Variants in PSME4 observed in about 807,000 individuals in gnomAD.
PSME4 encodes proteasome activator subunit 4.
In PSME4, 89 loss-of-function variants were observed where a neutral mutation model predicts 253.9. The observed-to-expected ratio is 0.35, with a 90% confidence interval of 0.30 to 0.42. PSME4 has a LOEUF of 0.42. Among genes scored for constraint, PSME4 ranks in the 10% least tolerant of loss-of-function variants. The pLI is 1.00. For synonymous variants in PSME4, 851 were observed against 759.2 expected, an observed-to-expected ratio of 1.12 and a Z score of -1.99; for missense variants, 2,014 against 2,195.2, an observed-to-expected ratio of 0.92 and a Z score of 1.65.
intron 3 of PSME4, 117 bp downstream of exon 3, chr2:53,948,304 A>C: frequency 1.4e-6 from 1 of 709,722 alleles, no homozygotes; most frequent in South Asian, 1.7e-5. Flanking sequence ...ACACAGAAAT[A>C]GGCACATTAA....
rs952457926 is a variant in PSME4 at position 53,970,679 on chromosome 2, T to C, written c.106A>G (p.Lys36Glu). ...FVPQKEIVYN[K>E]LLPYAERLDA... ...AGCCGCTCCGCGTAGGGCAGCAGCT[T>C]GTTGTAGACGATCTCCTTCTGCGGG... The change falls in exon 1 of 47, where the codon AAG becomes GAG. Residue 36 changes from lysine to glutamate, a missense_variant. Lys to Glu is a moderately conservative substitution (Grantham distance 56, BLOSUM62 1). Coordinates refer to ENST00000404125, the MANE Select transcript of PSME4 (RefSeq NM_014614.3). 5.2e-6 allele frequency: 8 copies of C among 1,549,978 alleles called. No homozygotes were observed. Among genetic ancestry groups the C allele is most frequent in the Middle Eastern group, 1.7e-4 (1 of 5,810 alleles).
At position 53,919,151 on chromosome 2, in the gene PSME4, A is replaced by G. The variant is rs766562574; in HGVS notation, c.2516T>C (p.Leu839Ser). The change falls in exon 20 of 47, where the codon TTA (leucine) becomes TCA (serine). Residue 839 changes from leucine (L) to serine (S), a missense_variant and splice_region_variant. By Grantham distance (145) the Leu-to-Ser change is moderately radical. Transcript: ENST00000404125. ...GTGGAAAACAGTTATTTTTACTTACAAGTTAGTAACTGGCTCTCCTTTCAA... is the reference window on the plus strand; with the variant it reads ...GTGGAAAACAGTTATTTTTACTTACGAGTTAGTAACTGGCTCTCCTTTCAA... ...PPLKGEPVTN[L>S]VPSMVSLEET... The G allele has an allele frequency of 1.2e-6, 2 of 1,609,974 alleles. No homozygotes were observed. Among genetic ancestry groups the G allele is most frequent in the African/African-American group, 2.7e-5 (2 of 74,698 alleles).
chr2:53,885,468 A>T (rs1382043984), intron 41 of PSME4, among the ~76,000 whole-genome samples: 1 of 152,196 alleles, frequency 6.6e-6, no homozygotes, highest in Non-Finnish European at 1.5e-5. Flanking sequence ...ATTCCGTTAA[A>T]TTTTCATGTA....
chr2:53,888,906 G>A, intron 37 of PSME4, 94 bp from the exon 38 acceptor site: 1 of 1,056,412 alleles, frequency 9.5e-7, no homozygotes, highest in Non-Finnish European at 1.4e-6. Flanking sequence ...TATTTTTGAG[G>A]CTAGGTCTAA....
At chr2:53,906,110 C>A (rs1417559785) in intron 26 of PSME4, among the ~76,000 whole-genome samples, 3 of 152,280 alleles carry the variant, frequency 2.0e-5, no homozygotes, top group African/African-American at 7.2e-5. Flanking sequence ...TTCCACTTTT[C>A]TGTGCTTGCA....
In PSME4 at chr2:53,927,472, C is replaced by A; in HGVS notation, c.1515G>T (p.Gln505His). ...CCAGAGTAGAAAATGTTGCTATGAA[C>A]TGGAATGTGATCTGTGGAAACATAC... The part of the protein sequence containing the change: ...NDFSKCMITF[Q>H]FIATFSTLVP... Residue 505 changes from glutamine to histidine, a missense_variant, in exon 12 of 47, where the codon CAG (glutamine) becomes CAT (histidine). Physicochemically the swap from Gln to His is conservative, Grantham distance 24 (BLOSUM62 0). This residue lies in a region of PSME4 where 989 missense variants were observed against 1,021.1 expected (regional missense o/e 0.97). Transcript: ENST00000404125. 1.3e-6 allele frequency: 2 copies of A among 1,584,682 alleles called. No homozygotes were observed. The highest frequency in any genetic ancestry group is 8.7e-7 in the Non-Finnish European group (1 of 1,153,280).
In PSME4 at chr2:53,885,721, T is replaced by A; in HGVS notation, c.4784A>T (p.Glu1595Val). 1 of 1,613,264 alleles carries A rather than the reference T, an allele frequency of 6.2e-7. No individual in the cohort carries two copies. Among genetic ancestry groups the A allele is most frequent in the Non-Finnish European group, 8.5e-7 (1 of 1,179,360 alleles). The change falls in exon 41 of 47, where the codon GAA (glutamate) becomes GTA (valine). Residue 1595 changes from glutamate to valine, a missense_variant. Transcript: ENST00000404125. ...AGRSFSTAVTEQLQLLPLFFK... is the reference protein window; with the variant it reads ...AGRSFSTAVTVQLQLLPLFFK... Reference sequence around the variant, plus strand: ...AAACAAAGGTAGAAGCTGAAGTTGTTCTGTAACTGCTGTAGAAAAGGATCT... The same window carrying A: ...AAACAAAGGTAGAAGCTGAAGTTGTACTGTAACTGCTGTAGAAAAGGATCT...
In PSME4 at chr2:53,970,540, T is replaced by TA. The variant is rs1671020061; in HGVS notation, c.242+2dup. On this transcript the variant is annotated splice_region_variant and intron_variant, in intron 1 of 46. Coordinates refer to ENST00000404125, the MANE Select transcript of PSME4 (RefSeq NM_014614.3). The stretch of plus-strand genomic sequence containing the variant: ...CCCGGCCCGCAGGCCCGGGCACACT[T>TA]ACGTGGAGAGTTTCCTGGTCCAGAA... 1.3e-6 allele frequency: 2 copies of TA among 1,547,596 alleles called. No individual in the cohort carries two copies. The highest frequency in any genetic ancestry group is 2.4e-5 in the East Asian group (1 of 40,856).
At chr2:53,940,968 T>TAATACATATATAA (rs1558413945) in intron 3 of PSME4, among the ~76,000 whole-genome samples, 2 of 70,560 alleles carry the variant, frequency 2.8e-5, no homozygotes, top group African/African-American at 9.5e-5. Flanking sequence ...TATATATATA[T>TAATACATATATAA]ATATATATAT....
rs145915732 is a variant in PSME4, at chr2:53,898,763, T to C, written c.3423-409A>G. On this transcript the variant is annotated intron_variant, in intron 29 of 46. Transcript: ENST00000404125. ...AAAACAACAAAGAGGTATATTCATA[T>C]ACTAATTATAAGGCAAAGACAAAAT... Among the ~76,000 whole-genome samples the C allele has an allele frequency of 4.6e-5, 7 of 152,256 alleles. No homozygotes were observed. In the East Asian group the frequency reaches 1.2e-3, roughly 25 times the overall value.
intron 41 of PSME4, among the ~76,000 whole-genome samples, chr2:53,877,400 G>C (rs1232042795): frequency 6.6e-6 from 1 of 151,526 alleles, no homozygotes; most frequent in African/African-American, 2.4e-5. Context: ...GTGACAGAGT[G>C]ATACCCTGTC....
intron 37 of PSME4, among the ~76,000 whole-genome samples, chr2:53,889,776 G>A (rs767198459): frequency 1.3e-5 from 2 of 152,136 alleles, no homozygotes; most frequent in Non-Finnish European, 2.9e-5. Context: ...ATACATGACT[G>A]TCACTTAATT....
intron 39 of PSME4, 63 bp downstream of exon 39, chr2:53,887,795 T>C: frequency 6.8e-7 from 1 of 1,481,222 alleles, no homozygotes; most frequent in Non-Finnish European, 9.2e-7. Flanking sequence ...TATTACCTAT[T>C]ACAATTTAAA....
intron 20 of PSME4, among the ~76,000 whole-genome samples, chr2:53,911,982 T>G (rs895360998): frequency 1.3e-5 from 2 of 152,232 alleles, no homozygotes; most frequent in African/African-American, 4.8e-5. Flanking sequence ...AAATAATCAT[T>G]TATGCTGACT....
At chr2:53,896,612 G>C (rs529419131) in intron 32 of PSME4, among the ~76,000 whole-genome samples, 192 bp downstream of exon 32, 9 of 152,246 alleles carry the variant, frequency 5.9e-5, no homozygotes, top group Non-Finnish European at 1.2e-4. Context: ...AAGGCAGAAA[G>C]AGTCAATCTA....
intron 36 of PSME4, among the ~76,000 whole-genome samples, chr2:53,890,574 T>C (rs1381950796): frequency 6.6e-6 from 1 of 152,212 alleles, no homozygotes; most frequent in Non-Finnish European, 1.5e-5. Flanking sequence ...CCCAAAGTGC[T>C]GGAATTATAG....
At chr2:53,933,568 T>C (rs149235280) in intron 8 of PSME4, among the ~76,000 whole-genome samples, 4 of 152,202 alleles carry the variant, frequency 2.6e-5, no homozygotes, top group Non-Finnish European at 5.9e-5. Flanking sequence ...TGTTTTCTTG[T>C]ACAGGGTCTC....
chr2:53,926,443 G>A (rs1668560848), intron 12 of PSME4, among the ~76,000 whole-genome samples: 2 of 152,212 alleles, frequency 1.3e-5, no homozygotes, highest in African/African-American at 2.4e-5. Flanking sequence ...GGAGGCCGAG[G>A]CAAGCGAATC....
intron 3 of PSME4, among the ~76,000 whole-genome samples, chr2:53,943,536 C>G (rs1669552935): frequency 6.6e-6 from 1 of 152,134 alleles, no homozygotes; most frequent in Non-Finnish European, 1.5e-5. Flanking sequence ...AAGATAATTT[C>G]ACCATAAAGA....
Sources: gnomAD v4.1 joint callset for allele counts (sites outside exome capture counted in the v4.1 genomes callset) on GRCh38, gnomAD v4.1.1 for gene constraint, gnomAD v4.1.1 regional missense constraint, MANE v1.5 for transcripts, NCBI Gene and HGNC (gene_info 2026-07-23, HGNC 2026-07-21) for gene names.